GABRA2: variants seen among roughly 807,000 people sequenced by gnomAD.
The protein encoded by GABRA2 is gamma-aminobutyric acid type A receptor subunit alpha2, also known as gamma-aminobutyric acid receptor subunit alpha-2.
A neutral mutation model predicts 48.7 loss-of-function variants in GABRA2; 16 were observed. That is an observed-to-expected ratio of 0.33 (90% CI 0.22 to 0.50). The LOEUF is 0.50. Ranked by LOEUF, GABRA2 falls within the 20% of genes least tolerant of loss-of-function variation. GABRA2 has a pLI of 0.98. For missense variants in GABRA2, 275 were observed against 535.6 expected, an observed-to-expected ratio of 0.51 and a Z score of 4.80; for synonymous variants, 185 against 184.5, an observed-to-expected ratio of 1.00 and a Z score of -0.02.
intron 1 of GABRA2, chr4:46,389,095 T>A: frequency 9.9e-7 from 1 of 1,011,492 alleles, no homozygotes; most frequent in Non-Finnish European, 1.2e-6. Context: ...GGGAATGGGT[T>A]GGAGGGGAGG....
chr4:46,340,422 G>A (rs904612163), intron 3 of GABRA2, among the ~76,000 whole-genome samples: 6 of 151,642 alleles, frequency 4.0e-5, no homozygotes, highest in African/African-American at 1.5e-4. Context: ...TTCAGTTTCT[G>A]TTTCTATGGA....
rs180848222 is a variant in GABRA2 at position 46,269,681 on chromosome 4, G to C, written c.857-7553C>G. ...AAGAATGTGGTATTTGGATTGAATG[G>C]AGAAAATTAAAACGGACTTGTGGCT... On this transcript the variant is annotated intron_variant, in intron 8 of 9. Transcript: ENST00000381620. Among the ~76,000 whole-genome samples, 246 of 151,872 alleles carry C rather than the reference G, an allele frequency of 1.6e-3. 4 individuals carry two copies. Among genetic ancestry groups the C allele is most frequent in the Admixed American group, 0.015 (228 of 15,212 alleles).
At chr4:46,303,338 A>G in intron 8 of GABRA2, 122 bp downstream of exon 8, 2 of 956,582 alleles carry the variant, frequency 2.1e-6, no homozygotes, top group Non-Finnish European at 1.6e-6. Context: ...CCTATAAGGC[A>G]AAAACAATAC....
At position 46,250,494 on chromosome 4, in the gene GABRA2, A is replaced by G. The variant is rs1451059276; in HGVS notation, c.1170T>C (p.Ser390=). 1 of 1,611,896 alleles carries G rather than the reference A, an allele frequency of 6.2e-7. No homozygotes were observed. Among genetic ancestry groups the G allele is most frequent in the Non-Finnish European group, 8.5e-7 (1 of 1,178,630 alleles). The change falls in exon 10 of 10, where the codon AGT becomes AGC. Residue 390 remains serine (S), a synonymous_variant. Transcript: ENST00000381620. ...KDPVLSTISK[S]ATTPEPNKKP... ...TCTTGTTGGGTTCTGGCGTGGTTGC[A>G]CTCTTGGAGATGGTGGAGAGAACTG... is the stretch of plus-strand genomic sequence containing the variant.
Position 46,245,201 on chromosome 4 carries a change from C to T in GABRA2, c.*5107G>A, listed in dbSNP as rs1713495206. 6.6e-6 allele frequency among the ~76,000 whole-genome samples: 1 copy of T among 151,070 alleles called. No homozygotes were observed. The highest frequency in any genetic ancestry group is 1.5e-5 in the Non-Finnish European group (1 of 67,386). The stretch of plus-strand genomic sequence containing the variant: ...ATGCATAAAAAACTTAGAACGTTGA[C>T]TAGTATGTGATGGGCTCTCTGTAAG... On this transcript the variant is annotated 3_prime_UTR_variant, in exon 10 of 10. Transcript: ENST00000381620.
intron 8 of GABRA2, among the ~76,000 whole-genome samples, chr4:46,296,066 T>G (rs1577948772): frequency 6.6e-6 from 1 of 152,256 alleles, no homozygotes. Context: ...CCTTTTGAAG[T>G]CACAATTACA....
chr4:46,352,610 G>A (rs147582918), intron 3 of GABRA2, among the ~76,000 whole-genome samples: 10 of 152,010 alleles, frequency 6.6e-5, no homozygotes, highest in East Asian at 1.9e-4. Context: ...AGAGAATAAC[G>A]GAGATCCACT....
In GABRA2 at chr4:46,243,845, G is replaced by A. The variant is rs560676658; in HGVS notation, c.*6463C>T. 4.6e-5 allele frequency: 7 copies of A among 151,438 alleles called. No individual in the cohort carries two copies. The highest frequency in any genetic ancestry group is 3.9e-4 in the East Asian group (2 of 5,118). 9.4% of individuals were successfully genotyped at this position (151,438 alleles called of 1,614,324 possible). A position where few individuals can be genotyped will look rare whatever the true frequency, so the allele number is the denominator to read the frequency against. On this transcript the variant is annotated 3_prime_UTR_variant, in exon 10 of 10. Transcript: ENST00000381620. The stretch of plus-strand genomic sequence containing the variant: ...CCTCACATTCTCTCTGCATGTGATC[G>A]TATTATTAATTTGTAGCAAAGGAAA...
At position 46,389,846 on chromosome 4, in the gene GABRA2, A is replaced by AGAGAGAGG. The variant is rs1718009618; in HGVS notation, c.-123_-122insCCTCTCTC. ...GAGAGAGAGAGAGAGAGAGAGAGAG[A>AGAGAGAGG]GAGAGAGAGAGAGAGACCGAGACTG... On this transcript the variant is annotated 5_prime_UTR_variant, in exon 1 of 10. Transcript: ENST00000381620. The AGAGAGAGG allele has an allele frequency of 2.0e-6, 2 of 978,334 alleles. No homozygotes were observed. Among genetic ancestry groups the AGAGAGAGG allele is most frequent in the Non-Finnish European group, 1.2e-6 (1 of 826,684 alleles). 60.6% of individuals were successfully genotyped at this position (978,334 alleles called of 1,614,324 possible).
intron 8 of GABRA2, among the ~76,000 whole-genome samples, chr4:46,265,859 A>G (rs969120469): frequency 6.6e-6 from 1 of 151,952 alleles, no homozygotes; most frequent in Admixed American, 6.6e-5. Flanking sequence ...ATTTTCCATA[A>G]CATACGTTAT....
intron 8 of GABRA2, among the ~76,000 whole-genome samples, chr4:46,282,117 C>G (rs1721645017): frequency 6.6e-6 from 1 of 152,130 alleles, no homozygotes; most frequent in African/African-American, 2.4e-5. Context: ...AGTTCATCAT[C>G]AAAGAAAATA....
intron 4 of GABRA2, among the ~76,000 whole-genome samples, chr4:46,328,844 CCTTA>C: frequency 6.6e-6 from 1 of 152,150 alleles, no homozygotes; most frequent in African/African-American, 2.4e-5. Context: ...AACTTTGCCT[CCTTA>C]CTTATCTTGA....
intron 6 of GABRA2, among the ~76,000 whole-genome samples, chr4:46,309,844 A>G (rs1181756940): frequency 6.6e-6 from 1 of 152,160 alleles, no homozygotes; most frequent in Non-Finnish European, 1.5e-5. Flanking sequence ...AGTTGATGAA[A>G]AAGAAACATT....
At chr4:46,279,582 TA>T in intron 8 of GABRA2, among the ~76,000 whole-genome samples, 1 of 152,238 alleles carries the variant, frequency 6.6e-6, no homozygotes, top group African/African-American at 2.4e-5. Flanking sequence ...TGATATGTCA[TA>T]AAAAATCTTA....
chr4:46,268,776 T>C (rs1577836816), intron 8 of GABRA2, among the ~76,000 whole-genome samples: 1 of 151,920 alleles, frequency 6.6e-6, no homozygotes, highest in South Asian at 2.1e-4. Flanking sequence ...AGCCAACTTA[T>C]GGGATCAACC....
chr4:46,383,487 C>A (rs1206029683), intron 3 of GABRA2, among the ~76,000 whole-genome samples: 1 of 152,088 alleles, frequency 6.6e-6, no homozygotes, highest in Non-Finnish European at 1.5e-5. Flanking sequence ...ATTTTATGAC[C>A]ACAATATGCA....
intron 3 of GABRA2, among the ~76,000 whole-genome samples, chr4:46,385,361 TATTAGCCAAGCCA>T (rs1244884535): frequency 2.6e-5 from 4 of 151,824 alleles, no homozygotes; most frequent in Non-Finnish European, 4.4e-5. Context: ...AAATTTAACA[TATTAGCCAAGCCA>T]AATTTTCTTT....
chr4:46,305,534 G>A (rs781716888), intron 7 of GABRA2, 34 bp downstream of exon 7: 2 of 1,595,426 alleles, frequency 1.3e-6, no homozygotes, highest in Admixed American at 1.7e-5. Flanking sequence ...AATATTCTTA[G>A]GCACCAGCTT....
chr4:46,362,105 T>C (rs1713298058), intron 3 of GABRA2, among the ~76,000 whole-genome samples: 1 of 152,138 alleles, frequency 6.6e-6, no homozygotes, highest in Admixed American at 6.5e-5. Context: ...GGGGGACTGT[T>C]GGGAAGGCAT....
Sources: gnomAD v4.1 joint callset for allele counts (sites outside exome capture counted in the v4.1 genomes callset) on GRCh38, gnomAD v4.1.1 for gene constraint, MANE v1.5 for transcripts, NCBI Gene and HGNC (gene_info 2026-07-23, HGNC 2026-07-21) for gene names.